The following PARG variants were observed in gnomAD, a reference collection of about 807,000 sequenced individuals.
PARG encodes the protein poly(ADP-ribose) glycohydrolase, also known as mitochondrial poly(ADP-ribose) glycohydrolase.
In PARG, 35 loss-of-function variants were observed where a neutral mutation model predicts 113.0. That is an observed-to-expected ratio of 0.31 (90% CI 0.24 to 0.41). PARG has a LOEUF of 0.41. Among genes scored for constraint, PARG ranks in the 10% least tolerant of loss-of-function variants. The pLI, the probability that PARG is intolerant of heterozygous loss-of-function variation, is 1.00. For missense variants in PARG, 797 were observed against 1,169.4 expected, an observed-to-expected ratio of 0.68 and a Z score of 4.64; for synonymous variants, 330 against 409.9, an observed-to-expected ratio of 0.81 and a Z score of 2.36.
chr10:49,925,001 C>T (rs1402292006), intron 4 of PARG, among the ~76,000 whole-genome samples: 1 of 152,134 alleles, frequency 6.6e-6, no homozygotes, highest in African/African-American at 2.4e-5. Flanking sequence ...GTGGCAACAT[C>T]AGATTCTCAT....
At chr10:49,938,493 A>C (rs1438449825) in intron 1 of PARG, among the ~76,000 whole-genome samples, 7 of 152,248 alleles carry the variant, frequency 4.6e-5, no homozygotes, top group African/African-American at 7.2e-5. Flanking sequence ...CCTGCATGTC[A>C]AAGGAACATT....
chr10:49,851,743 T>G (rs1409049365), intron 13 of PARG, among the ~76,000 whole-genome samples: 3 of 140,530 alleles, frequency 2.1e-5, no homozygotes, highest in African/African-American at 8.0e-5. Flanking sequence ...GTATTGAAAC[T>G]ATTTTCTGGA....
intron 13 of PARG, among the ~76,000 whole-genome samples, chr10:49,844,100 G>T (rs1033814517): frequency 1.4e-4 from 21 of 151,702 alleles, no homozygotes; most frequent in Non-Finnish European, 1.5e-5. Context: ...AGCCAAGAGT[G>T]TGCCACTGCA....
At chr10:49,849,405 TTAA>T (rs1845658729) in intron 13 of PARG, among the ~76,000 whole-genome samples, 1 of 150,232 alleles carries the variant, frequency 6.7e-6, no homozygotes, top group Non-Finnish European at 1.5e-5. Flanking sequence ...AAACAACACA[TTAA>T]TAAGCTTACT....
At chr10:49,853,546 C>A (rs530953408) in intron 13 of PARG, among the ~76,000 whole-genome samples, 33 of 152,172 alleles carry the variant, frequency 2.2e-4, no homozygotes, top group Non-Finnish European at 4.4e-4. Context: ...TTCCCACGTG[C>A]ATCCATGATA....
At chr10:49,889,098 C>A (rs182674340) in intron 7 of PARG, among the ~76,000 whole-genome samples, 290 of 117,426 alleles carry the variant, frequency 2.5e-3, no homozygotes, top group East Asian at 0.022. Flanking sequence ...CTGTTTTTTT[C>A]ATTTGTTTCA....
intron 7 of PARG, among the ~76,000 whole-genome samples, chr10:49,913,657 C>T (rs1837316915): frequency 6.6e-6 from 1 of 152,268 alleles, no homozygotes. Context: ...AATCCCAGCA[C>T]TTTGGGAGGC....
intron 13 of PARG, among the ~76,000 whole-genome samples, chr10:49,851,815 T>C (rs1845774082): frequency 6.7e-6 from 1 of 148,430 alleles, no homozygotes; most frequent in Non-Finnish European, 1.5e-5. Flanking sequence ...ATGGGAAGAT[T>C]GGAATTTTAA....
chr10:49,936,962 C>G (rs1427975835), intron 1 of PARG, among the ~76,000 whole-genome samples: 15 of 152,176 alleles, frequency 9.9e-5, no homozygotes, highest in African/African-American at 3.4e-4. Flanking sequence ...TTAATAGTTT[C>G]TATCACAAAA....
rs1254813864 is a variant in PARG, at chr10:49,933,731, C to G, written c.717G>C (p.Lys239Asn). 9 of 1,612,500 alleles carry G rather than the reference C, an allele frequency of 5.6e-6. No individual in the cohort carries two copies. Among genetic ancestry groups the G allele is most frequent in the Non-Finnish European group, 7.6e-6 (9 of 1,178,652 alleles). Residue 239 changes from lysine (K) to asparagine (N), a missense_variant, in exon 3 of 18, where the codon AAG becomes AAC. Lys to Asn is a moderately conservative substitution (Grantham distance 94, BLOSUM62 0). This residue lies in a region of PARG where 284 missense variants were observed against 306.1 expected (regional missense o/e 0.93). Coordinates refer to ENST00000616448, the MANE Select transcript of PARG (RefSeq NM_003631.5). ...REAKSHQKCS[K>N]SCDPGEDCAS... ...CACAGTCTTCCCCAGGATCGCAAGA[C>G]TTGCTGCACTTCTGGTGGCTTTTGG...
At chr10:49,835,097 C>A (rs75366727) in intron 15 of PARG, among the ~76,000 whole-genome samples, 2,186 of 152,146 alleles carry the variant, frequency 0.014, 49 homozygotes, top group African/African-American at 0.048. Flanking sequence ...ATCAGGGGAC[C>A]TTTCCTTTTA....
chr10:49,840,028 C>G (rs1250763866), intron 15 of PARG, among the ~76,000 whole-genome samples: 1 of 152,172 alleles, frequency 6.6e-6, no homozygotes, highest in Non-Finnish European at 1.5e-5. Context: ...GGGACAATTG[C>G]TTTAAGGCAA....
intron 16 of PARG, among the ~76,000 whole-genome samples, chr10:49,823,235 T>C (rs1554828980): frequency 6.6e-6 from 1 of 152,182 alleles, no homozygotes; most frequent in East Asian, 1.9e-4. Context: ...TGTGTATACA[T>C]ATATATGCAT....
intron 7 of PARG, among the ~76,000 whole-genome samples, chr10:49,890,753 T>C (rs2573523): frequency 6.6e-6 from 1 of 152,062 alleles, no homozygotes; most frequent in African/African-American, 2.4e-5. Context: ...AACATCCAAA[T>C]AGAAAAGAGA....
chr10:49,920,473 TATATATATATATATATATATATATAC>T (rs150988348), intron 6 of PARG, among the ~76,000 whole-genome samples: 1,608 of 81,766 alleles, frequency 0.02, 99 homozygotes, highest in Middle Eastern at 0.063. Context: ...AATATATATA[TATATATATATATATATATATATATAC>T]ACACACACAC....
intron 7 of PARG, among the ~76,000 whole-genome samples, chr10:49,911,199 C>T (rs1837162873): frequency 6.6e-6 from 1 of 151,410 alleles, no homozygotes; most frequent in Admixed American, 6.6e-5. Context: ...GGGAGAATCA[C>T]TTGAACCTGG....
chr10:49,935,939 T>C (rs1304481480), intron 1 of PARG, among the ~76,000 whole-genome samples: 3 of 152,216 alleles, frequency 2.0e-5, no homozygotes, highest in Middle Eastern at 3.4e-3. Context: ...CTCACAGTCA[T>C]GCATGACAGC....
intron 13 of PARG, among the ~76,000 whole-genome samples, chr10:49,845,249 C>T (rs1040904602): frequency 2.6e-5 from 4 of 152,300 alleles, no homozygotes; most frequent in Admixed American, 2.0e-4. Context: ...CTTTGACCTA[C>T]AATTTCCATT....
chr10:49,832,737 C>A, intron 16 of PARG, 66 bp downstream of exon 16: 1 of 788,898 alleles, frequency 1.3e-6, no homozygotes, highest in South Asian at 1.7e-5. Context: ...CATGAGAAAT[C>A]TGGTTTGAAG....
Sources: allele counts gnomAD v4.1 joint callset (sites outside exome capture counted in the v4.1 genomes callset), GRCh38; gene constraint gnomAD v4.1.1; regional missense constraint gnomAD v4.1.1; transcripts MANE v1.5; gene names NCBI Gene and HGNC (gene_info 2026-07-23, HGNC 2026-07-21).